The following JAGN1 variants were observed in gnomAD, a reference collection of about 807,000 sequenced individuals.
The protein encoded by JAGN1 is protein jagunal homolog 1.
JAGN1 carries 13 observed loss-of-function variants against 17.1 expected under a neutral mutation model. That is an observed-to-expected ratio of 0.76 (90% confidence interval 0.49 to 1.21). The LOEUF (loss-of-function observed/expected upper bound fraction) is 1.21, where lower values mean the gene tolerates loss of function less well. Among genes scored for constraint, JAGN1 ranks in the 50% most tolerant of loss-of-function variants. The probability of loss-of-function intolerance (pLI) is 0.00; values close to 1 mark genes in which losing one functional copy is unlikely to be tolerated. For missense variants in JAGN1, 256 were observed against 234.2 expected, an observed-to-expected ratio of 1.09 and a Z score of -0.61; for synonymous variants, 111 against 91.0, an observed-to-expected ratio of 1.22 and a Z score of -1.25.
At position 9,893,035 on chromosome 3, in the gene JAGN1, G is replaced by A. The variant is rs746136215; in HGVS notation, c.210G>A (p.Met70Ile). 6 of 1,614,068 alleles carry A rather than the reference G, an allele frequency of 3.7e-6. No homozygotes were observed. The highest frequency in any genetic ancestry group is 1.1e-5 in the South Asian group (1 of 91,088). ...TCTTGTCACATGATCAGGTGGCCAT[G>A]CCCTATCAGTGGGAATACCCGTATT... Reference protein sequence around the residue: ...LRLLSHDQVAMPYQWEYPYLL... With the variant: ...LRLLSHDQVAIPYQWEYPYLL... Residue 70 changes from methionine to isoleucine, a missense_variant, in exon 2 of 2, where the codon ATG becomes ATA. Physicochemically the swap from Met to Ile is conservative, Grantham distance 10 (BLOSUM62 1). Transcript: ENST00000647897.
At chr3:9,892,734 A>T in intron 1 of JAGN1, 181 bp from the exon 2 acceptor site, 1 of 592,514 alleles carries the variant, frequency 1.7e-6, no homozygotes, top group Admixed American at 3.1e-5. Flanking sequence ...ATCTGGGAAC[A>T]TATATTTACT....
chr3:9,892,367 G>T (rs995941233), intron 1 of JAGN1, among the ~76,000 whole-genome samples: 1 of 151,174 alleles, frequency 6.6e-6, no homozygotes, highest in Non-Finnish European at 1.5e-5. Context: ...ATGGAGATGG[G>T]GTCTCATTTT....
intron 1 of JAGN1, chr3:9,892,685 G>T: frequency 1.9e-6 from 1 of 536,864 alleles, no homozygotes; most frequent in Non-Finnish European, 3.3e-6. Flanking sequence ...GACATTCCAT[G>T]CCAGGCAGAG....
intron 1 of JAGN1, among the ~76,000 whole-genome samples, chr3:9,892,416 C>T (rs1381261380): frequency 6.6e-6 from 1 of 150,404 alleles, no homozygotes; most frequent in East Asian, 2.0e-4. Flanking sequence ...CTCAAGCAGT[C>T]CTCCTGCTTC....
Position 9,890,712 on chromosome 3 carries a change from G to C in JAGN1, c.-11G>C. ...TCCGCGTGAGGGGTTCGGGGGTTCT[G>C]GGCAGGCACAATGGCGTCTCGAGCA... On this transcript the variant is annotated 5_prime_UTR_variant, in exon 1 of 2. Coordinates refer to ENST00000647897, the MANE Select transcript of JAGN1 (RefSeq NM_032492.4). 2 of 1,604,538 alleles carry C rather than the reference G, an allele frequency of 1.2e-6. No individual in the cohort carries two copies. Among genetic ancestry groups the C allele is most frequent in the Non-Finnish European group, 1.7e-6 (2 of 1,176,688 alleles).
chr3:9,891,858 T>C (rs2082564614), intron 1 of JAGN1, among the ~76,000 whole-genome samples: 1 of 152,128 alleles, frequency 6.6e-6, no homozygotes, highest in African/African-American at 2.4e-5. Context: ...ATGTACTTCT[T>C]TTGGATGAAA....
At chr3:9,892,276 A>G (rs1163963334) in intron 1 of JAGN1, among the ~76,000 whole-genome samples, 2 of 151,620 alleles carry the variant, frequency 1.3e-5, no homozygotes, top group African/African-American at 4.8e-5. Flanking sequence ...TCGGCCTCCC[A>G]AAGTGCTGGG....
Position 9,893,482 on chromosome 3 carries a change from T to C in JAGN1, c.*105T>C. Reference sequence around the variant, plus strand: ...TTTTAGCAGCTGTGATGTTGGTACCTGGTGCAGACCAGGCCAAAGTTCTGG... The same window carrying C: ...TTTTAGCAGCTGTGATGTTGGTACCCGGTGCAGACCAGGCCAAAGTTCTGG... On this transcript the variant is annotated 3_prime_UTR_variant, in exon 2 of 2. Transcript: ENST00000647897. 2 of 946,800 alleles carry C rather than the reference T, an allele frequency of 2.1e-6. No homozygotes were observed. The highest frequency in any genetic ancestry group is 2.6e-5 in the East Asian group (1 of 38,020). 58.6% of individuals were successfully genotyped at this position (946,800 alleles called of 1,614,324 possible).
At chr3:9,891,227 C>G (rs1220624339) in intron 1 of JAGN1, among the ~76,000 whole-genome samples, 1 of 152,204 alleles carries the variant, frequency 6.6e-6, no homozygotes, top group Non-Finnish European at 1.5e-5. Context: ...AGCATAAGGC[C>G]TACCACGTAA....
rs1444848644 is a variant in JAGN1 at position 9,893,219 on chromosome 3, C to T, written c.394C>T (p.His132Tyr). The part of the protein sequence containing the change: ...MFPAAQQLYR[H>Y]GKAYRFLFGF... ...CCCTGCTGCACAGCAGCTCTACCGC[C>T]ATGGCAAGGCCTACCGTTTCCTCTT... Residue 132 changes from histidine (H) to tyrosine (Y), a missense_variant, in exon 2 of 2, where the codon CAT becomes TAT. Coordinates refer to ENST00000647897, the MANE Select transcript of JAGN1 (RefSeq NM_032492.4). The T allele has an allele frequency of 3.7e-6, 6 of 1,614,224 alleles. No individual in the cohort carries two copies. The highest frequency in any genetic ancestry group is 5.1e-6 in the Non-Finnish European group (6 of 1,180,044).
chr3:9,893,318 T>G lies in JAGN1; in HGVS notation c.493T>G (p.Tyr165Asp). Reference protein sequence around the residue: ...AVQVHAWQLYYSKKLLDSWFT... With the variant: ...AVQVHAWQLYDSKKLLDSWFT... ...GCAAGTGCATGCCTGGCAGTTGTACTACAGCAAGAAGCTCCTAGACTCTTG... is the reference window on the plus strand; with the variant it reads ...GCAAGTGCATGCCTGGCAGTTGTACGACAGCAAGAAGCTCCTAGACTCTTG... Residue 165 changes from tyrosine (Y) to aspartate (D), a missense_variant, in exon 2 of 2, where the codon TAC becomes GAC. Transcript: ENST00000647897. 6.2e-7 allele frequency: 1 copy of G among 1,614,216 alleles called. No homozygotes were observed. Among genetic ancestry groups the G allele is most frequent in the Non-Finnish European group, 8.5e-7 (1 of 1,180,032 alleles).
In JAGN1 at chr3:9,893,610, A is replaced by T; in HGVS notation, c.*233A>T. On this transcript the variant is annotated 3_prime_UTR_variant, in exon 2 of 2. Transcript: ENST00000647897. ...TATGAAACAAATTTCAGCTGTTTGA[A>T]GTTGAACTTTGAGGTTTTTCTTTAA... 1.9e-6 allele frequency: 1 copy of T among 521,002 alleles called. No homozygotes were observed. Among genetic ancestry groups the T allele is most frequent in the Non-Finnish European group, 3.4e-6 (1 of 295,626 alleles). 32.3% of individuals were successfully genotyped at this position (521,002 alleles called of 1,614,324 possible).
rs571856698 is a variant in JAGN1 at position 9,890,815 on chromosome 3, T to C, written c.89+4T>C. 4.3e-5 allele frequency: 68 copies of C among 1,598,654 alleles called. No individual in the cohort carries two copies. The South Asian group carries it at 7.4e-4, about 17-fold the overall frequency. On this transcript the variant is annotated splice_donor_region_variant and intron_variant, in intron 1 of 1. Transcript: ENST00000647897. ...TCGCCATGCACTACCAGATGAGGTA[T>C]GAAGTGAGGCGAGGAGCACGGAGGC...
rs371873018 is a variant in JAGN1, at chr3:9,893,522, C to T, written c.*145C>T. Reference sequence around the variant, plus strand: ...CAAAGTTCTGGAAAGCTCCTTTTGCCATCTGCTGAGGTGGCAAAACTATAA... The same window carrying T: ...CAAAGTTCTGGAAAGCTCCTTTTGCTATCTGCTGAGGTGGCAAAACTATAA... On this transcript the variant is annotated 3_prime_UTR_variant, in exon 2 of 2. Transcript: ENST00000647897. 166 of 664,644 alleles carry T rather than the reference C, an allele frequency of 2.5e-4. No homozygotes were observed. The highest frequency in any genetic ancestry group is 1.0e-3 in the Admixed American group (31 of 31,150). The allele number at this position is 664,644 out of a possible 1,614,324, so 41.2% of individuals were successfully genotyped here.
chr3:9,893,497 C>T lies in JAGN1; in HGVS notation c.*120C>T. ...TGTTGGTACCTGGTGCAGACCAGGC[C>T]AAAGTTCTGGAAAGCTCCTTTTGCC... On this transcript the variant is annotated 3_prime_UTR_variant, in exon 2 of 2. Coordinates refer to ENST00000647897, the MANE Select transcript of JAGN1 (RefSeq NM_032492.4). The T allele has an allele frequency of 3.7e-6, 3 of 802,688 alleles. No homozygotes were observed. Among genetic ancestry groups the T allele is most frequent in the Non-Finnish European group, 5.7e-6 (3 of 522,406 alleles). The allele number at this position is 802,688 out of a possible 1,614,324, so 49.7% of individuals were successfully genotyped here. A position where few individuals can be genotyped will look rare whatever the true frequency, so the allele number is the denominator to read the frequency against.
In JAGN1 at chr3:9,893,204, C is replaced by A. The variant is rs771407343; in HGVS notation, c.379C>A (p.Gln127Lys). ...YGSMEMFPAAQQLYRHGKAYR... is the reference protein window; with the variant it reads ...YGSMEMFPAAKQLYRHGKAYR... ...CAGCATGGAGATGTTCCCTGCTGCACAGCAGCTCTACCGCCATGGCAAGGC... is the reference window on the plus strand; with the variant it reads ...CAGCATGGAGATGTTCCCTGCTGCAAAGCAGCTCTACCGCCATGGCAAGGC... Residue 127 changes from glutamine (Q) to lysine (K), a missense_variant, in exon 2 of 2, where the codon CAG (glutamine) becomes AAG (lysine). Physicochemically the swap from Gln to Lys is moderately conservative, Grantham distance 53. Transcript: ENST00000647897. The A allele has an allele frequency of 6.2e-7, 1 of 1,614,114 alleles. No homozygotes were observed. Among genetic ancestry groups the A allele is most frequent in the African/African-American group, 1.3e-5 (1 of 74,938 alleles).
intron 1 of JAGN1, 161 bp from the exon 2 acceptor site, chr3:9,892,754 T>TC: frequency 1.7e-6 from 1 of 601,050 alleles, no homozygotes; most frequent in Non-Finnish European, 3.0e-6. Flanking sequence ...TAGAACTTTT[T>TC]CACTTCATTT....
Position 9,890,638 on chromosome 3 carries a change from G to A in JAGN1, c.-85G>A, listed in dbSNP as rs1387859451. 2.3e-6 allele frequency: 3 copies of A among 1,293,148 alleles called. No individual in the cohort carries two copies. Among genetic ancestry groups the A allele is most frequent in the East Asian group, 2.6e-5 (1 of 38,536 alleles). The allele number at this position is 1,293,148 out of a possible 1,614,324, so 80.1% of individuals were successfully genotyped here. A position where few individuals can be genotyped will look rare whatever the true frequency, so the allele number is the denominator to read the frequency against. On this transcript the variant is annotated 5_prime_UTR_variant, in exon 1 of 2. Coordinates refer to ENST00000647897, the MANE Select transcript of JAGN1 (RefSeq NM_032492.4). ...TTCACGGAGCCGCGCGGCTGCGGGG[G>A]CGCAAATAGGGTCAGTGGGCCGCTT...
chr3:9,892,015 A>ATTATTATTATT (rs1268207887), intron 1 of JAGN1, among the ~76,000 whole-genome samples: 10 of 151,568 alleles, frequency 6.6e-5, no homozygotes, highest in African/African-American at 2.4e-4. Context: ...TATTATTATT[A>ATTATTATTATT]ATTTATTTAT....
Sources: gnomAD v4.1 joint callset for allele counts (sites outside exome capture counted in the v4.1 genomes callset) on GRCh38, gnomAD v4.1.1 for gene constraint, MANE v1.5 for transcripts, NCBI Gene and HGNC (gene_info 2026-07-23, HGNC 2026-07-21) for gene names.